Variants in CADM2 observed in about 807,000 individuals in gnomAD.
CADM2 encodes the protein cell adhesion molecule 2, also known as immunoglobulin superfamily member 4D.
CADM2 carries 12 observed loss-of-function variants against 49.8 expected under a neutral mutation model. That is an observed-to-expected ratio of 0.24 (90% CI 0.15 to 0.39). The LOEUF (loss-of-function observed/expected upper bound fraction) is 0.39, where lower values mean the gene tolerates loss of function less well. Ranked by LOEUF, CADM2 falls within the 10% of genes least tolerant of loss-of-function variation. The pLI is 1.00. For missense variants in CADM2, 378 were observed against 492.3 expected (o/e 0.77, Z 2.20); for synonymous variants, 214 against 175.4 (o/e 1.22, Z -1.74).
At chr3:86,010,951 A>T (rs1235547748) in intron 8 of CADM2, among the ~76,000 whole-genome samples, 1 of 151,534 alleles carries the variant, frequency 6.6e-6, no homozygotes, top group Admixed American at 6.6e-5. Context: ...CTTCTCTAAA[A>T]ATATAAGTTA....
At chr3:85,843,455 T>C (rs1281716495) in intron 3 of CADM2, among the ~76,000 whole-genome samples, 1 of 152,034 alleles carries the variant, frequency 6.6e-6, no homozygotes, top group African/African-American at 2.4e-5. Context: ...ATTCTTTAAC[T>C]TTTATCATTA....
At chr3:85,538,458 G>A (rs2061470653) in intron 1 of CADM2, among the ~76,000 whole-genome samples, 1 of 152,020 alleles carries the variant, frequency 6.6e-6, no homozygotes, top group African/African-American at 2.4e-5. Context: ...AGTAGCTTGT[G>A]CCCTTTCCAC....
At chr3:85,030,805 C>G (rs2107323114) in intron 1 of CADM2, among the ~76,000 whole-genome samples, 1 of 152,274 alleles carries the variant, frequency 6.6e-6, no homozygotes, top group South Asian at 2.1e-4. Context: ...TTCTGAAACT[C>G]TTTCCGTCTC....
intron 1 of CADM2, among the ~76,000 whole-genome samples, chr3:85,469,492 C>T (rs1254301433): frequency 1.3e-5 from 2 of 151,958 alleles, no homozygotes; most frequent in African/African-American, 4.8e-5. Context: ...ATAGGAGTGG[C>T]CAGAGCTCAA....
rs1170596144 is a variant in CADM2 at position 85,219,385 on chromosome 3, G to A, written c.61+259717G>A. Among the ~76,000 whole-genome samples, 6 of 152,090 alleles carry A rather than the reference G, an allele frequency of 3.9e-5. No homozygotes were observed. In the South Asian group the frequency reaches 6.2e-4, roughly 16 times the overall value. On this transcript the variant is annotated intron_variant, in intron 1 of 9. Transcript: ENST00000383699. Reference sequence around the variant, plus strand: ...CACTGATCTTGTCATAACCTAAAACGTTCACTTCAAAACTGTTAAATTCAA... The same window carrying A: ...CACTGATCTTGTCATAACCTAAAACATTCACTTCAAAACTGTTAAATTCAA...
At chr3:85,786,823 G>A (rs999051300) in intron 2 of CADM2, among the ~76,000 whole-genome samples, 10 of 151,944 alleles carry the variant, frequency 6.6e-5, no homozygotes, top group East Asian at 3.9e-4. Context: ...TTACCTTGGC[G>A]ATAAAAACTC....
intron 1 of CADM2, among the ~76,000 whole-genome samples, chr3:85,029,547 G>T (rs1304538952): frequency 6.6e-6 from 1 of 152,188 alleles, no homozygotes; most frequent in East Asian, 1.9e-4. Context: ...AATTTGAAAG[G>T]TATATATATT....
intron 1 of CADM2, among the ~76,000 whole-genome samples, chr3:85,534,342 A>T (rs1250818547): frequency 2.6e-5 from 4 of 152,174 alleles, no homozygotes; most frequent in Non-Finnish European, 5.9e-5. Context: ...AAAATAAAAC[A>T]TATTAAATAT....
At position 85,568,399 on chromosome 3, in the gene CADM2, C is replaced by A. The variant is rs892129543; in HGVS notation, c.62-158123C>A. ...TACCTACAATCTTTCCTTCCTCCCTCTTTCTTTCTTTCTTTCTTTCTTTCT... is the reference window on the plus strand; with the variant it reads ...TACCTACAATCTTTCCTTCCTCCCTATTTCTTTCTTTCTTTCTTTCTTTCT... On this transcript the variant is annotated intron_variant, in intron 1 of 9. Transcript: ENST00000383699. 1.3e-4 allele frequency among the ~76,000 whole-genome samples: 3 copies of A among 22,710 alleles called. 1 individual carries two copies. The highest frequency in any genetic ancestry group is 3.0e-4 in the Non-Finnish European group (3 of 10,062). 14.9% of individuals were successfully genotyped at this position (22,710 alleles called of 152,430 possible). A position where few individuals can be genotyped will look rare whatever the true frequency, so the allele number is the denominator to read the frequency against.
chr3:85,039,147 A>G (rs1559629945), intron 1 of CADM2, among the ~76,000 whole-genome samples: 1 of 152,048 alleles, frequency 6.6e-6, no homozygotes. Context: ...GATTAGAGGT[A>G]CCCGCAACCA....
At chr3:85,357,633 C>A (rs2031984188) in intron 1 of CADM2, among the ~76,000 whole-genome samples, 1 of 151,048 alleles carries the variant, frequency 6.6e-6, no homozygotes, top group African/African-American at 2.4e-5. Context: ...TCAGCCCTGT[C>A]TAATTTACTC....
chr3:85,644,928 T>C (rs919486021), intron 1 of CADM2, among the ~76,000 whole-genome samples: 3 of 152,146 alleles, frequency 2.0e-5, no homozygotes, highest in African/African-American at 4.8e-5. Flanking sequence ...CCAGAAAGAC[T>C]CTTTTCTGGC....
intron 1 of CADM2, among the ~76,000 whole-genome samples, chr3:85,607,806 G>A (rs2063574794): frequency 1.3e-5 from 2 of 151,756 alleles, no homozygotes; most frequent in African/African-American, 4.8e-5. Flanking sequence ...ACAGGCACAG[G>A]CCACCATGCC....
intron 1 of CADM2, among the ~76,000 whole-genome samples, chr3:85,629,266 T>G (rs2064231196): frequency 6.6e-6 from 1 of 151,880 alleles, no homozygotes; most frequent in Admixed American, 6.6e-5. Flanking sequence ...TTAGAAACAT[T>G]TCTACTTCAG....
intron 1 of CADM2, among the ~76,000 whole-genome samples, chr3:84,982,001 A>G (rs900622718): frequency 1.3e-5 from 2 of 152,182 alleles, no homozygotes; most frequent in African/African-American, 4.8e-5. Flanking sequence ...ACAGAAAACA[A>G]CTTTTAAACT....
chr3:85,941,013 C>A (rs776683730), intron 7 of CADM2, among the ~76,000 whole-genome samples: 4 of 152,124 alleles, frequency 2.6e-5, no homozygotes, highest in African/African-American at 4.8e-5. Flanking sequence ...TACACTGACC[C>A]ATCATTACGA....
chr3:85,574,861 A>G (rs2062586557), intron 1 of CADM2, among the ~76,000 whole-genome samples: 1 of 152,118 alleles, frequency 6.6e-6, no homozygotes. Flanking sequence ...GCACTTTAGC[A>G]AACTCTCTGG....
chr3:85,657,101 C>A (rs768448879), intron 1 of CADM2, among the ~76,000 whole-genome samples: 1 of 152,172 alleles, frequency 6.6e-6, no homozygotes, highest in Non-Finnish European at 1.5e-5. Flanking sequence ...ATCTCCTCTA[C>A]GAGGGCTTTT....
At chr3:85,475,333 T>A (rs1053713279) in intron 1 of CADM2, among the ~76,000 whole-genome samples, 9 of 151,916 alleles carry the variant, frequency 5.9e-5, no homozygotes, top group African/African-American at 2.2e-4. Flanking sequence ...CTATCTATCC[T>A]ATCCAGCTCT....
Sources: gnomAD v4.1 joint callset for allele counts (sites outside exome capture counted in the v4.1 genomes callset) on GRCh38, gnomAD v4.1.1 for gene constraint, MANE v1.5 for transcripts, NCBI Gene and HGNC (gene_info 2026-07-23, HGNC 2026-07-21) for gene names.